The following BICD1 variants were observed in gnomAD, a reference collection of about 807,000 sequenced individuals.
BICD1 encodes the protein BICD cargo adaptor 1.
In BICD1, 35 loss-of-function variants were observed where a neutral mutation model predicts 92.5. That is an observed-to-expected ratio of 0.38 (90% CI 0.29 to 0.50). The LOEUF (loss-of-function observed/expected upper bound fraction) is 0.50. Ranked by LOEUF, BICD1 falls within the 20% of genes least tolerant of loss-of-function variation. The pLI is 0.93. For missense variants in BICD1, 950 were observed against 1,189.8 expected (o/e 0.80, Z 2.97); for synonymous variants, 429 against 465.1 (o/e 0.92, Z 1.00).
chr12:32,234,613 AG>A (rs1203884317), intron 2 of BICD1, among the ~76,000 whole-genome samples: 3 of 150,288 alleles, frequency 2.0e-5, no homozygotes, highest in African/African-American at 7.3e-5. Flanking sequence ...AAAAAAAGAA[AG>A]AAAGAAAGAA....
intron 8 of BICD1, among the ~76,000 whole-genome samples, chr12:32,340,994 C>T (rs1410956615): frequency 6.6e-6 from 1 of 152,172 alleles, no homozygotes; most frequent in Non-Finnish European, 1.5e-5. Context: ...TATCAATGTA[C>T]TAAAAGCCCA....
At chr12:32,280,854 A>G (rs929841280) in intron 2 of BICD1, among the ~76,000 whole-genome samples, 8 of 152,124 alleles carry the variant, frequency 5.3e-5, no homozygotes, top group Non-Finnish European at 1.2e-4. Context: ...AGTTCTCTAC[A>G]GTTGGAAGGG....
rs555837810 is a variant in BICD1, at chr12:32,279,897, G to T, written c.427-14097G>T. On this transcript the variant is annotated intron_variant, in intron 2 of 9. Coordinates refer to ENST00000652176, the MANE Select transcript of BICD1 (RefSeq NM_001714.4). ...GGTGGATCACCGGGGTCGGGAGTTC[G>T]AGACCAGCCTGACTAACATGGTGAA... Among the ~76,000 whole-genome samples, 357 of 152,248 alleles carry T rather than the reference G, an allele frequency of 2.3e-3. 2 individuals carry two copies. The highest frequency in any genetic ancestry group is 8.3e-3 in the African/African-American group (343 of 41,538).
At chr12:32,359,446 G>A (rs777614850) in intron 8 of BICD1, among the ~76,000 whole-genome samples, 1 of 152,022 alleles carries the variant, frequency 6.6e-6, no homozygotes, top group Non-Finnish European at 1.5e-5. Flanking sequence ...ATGGCAAGGG[G>A]GCTGTACATG....
intron 6 of BICD1, among the ~76,000 whole-genome samples, chr12:32,335,638 T>A (rs552480443): frequency 6.7e-6 from 1 of 149,216 alleles, no homozygotes; most frequent in Non-Finnish European, 1.5e-5. Flanking sequence ...TGAAGTGCAG[T>A]GGCGCTATCT....
chr12:32,302,871 C>T (rs142790617), intron 3 of BICD1, among the ~76,000 whole-genome samples: 14 of 128,988 alleles, frequency 1.1e-4, no homozygotes, highest in African/African-American at 3.7e-4. Context: ...TGTTGAAATT[C>T]CAATGACCAT....
chr12:32,297,422 G>T (rs1947905802), intron 3 of BICD1, among the ~76,000 whole-genome samples: 1 of 151,966 alleles, frequency 6.6e-6, no homozygotes, highest in African/African-American at 2.4e-5. Flanking sequence ...TGTTGCCCAG[G>T]CTGGACTCAA....
At chr12:32,339,859 A>T (rs1938292661) in intron 8 of BICD1, 6 of 965,800 alleles carry the variant, frequency 6.2e-6, no homozygotes, top group African/African-American at 1.8e-5. Context: ...TTATATGAAC[A>T]TCAGTATTTC....
intron 2 of BICD1, among the ~76,000 whole-genome samples, chr12:32,225,088 G>A (rs532441658): frequency 6.6e-6 from 1 of 152,200 alleles, no homozygotes; most frequent in Non-Finnish European, 1.5e-5. Flanking sequence ...CCCTTGGTCA[G>A]TGCTACTCTT....
At chr12:32,321,642 C>A (rs139141412) in intron 4 of BICD1, among the ~76,000 whole-genome samples, 9,403 of 152,094 alleles carry the variant, frequency 0.062, 414 homozygotes, top group Middle Eastern at 0.13. Flanking sequence ...AGTAACACTT[C>A]AAATGTATAG....
Position 32,165,210 on chromosome 12 carries a change from G to A in BICD1, c.214-51037G>A, listed in dbSNP as rs998238220. Among the ~76,000 whole-genome samples the A allele has an allele frequency of 1.4e-4, 22 of 152,284 alleles. 1 individual carries two copies. In the East Asian group the frequency reaches 4.3e-3, roughly 29 times the overall value. ...AAGAGATTCCAGGATTTACTGGACA[G>A]GTTTGTTTAAAAGTATTTGAGTTGG... On this transcript the variant is annotated intron_variant, in intron 1 of 9. Transcript: ENST00000652176.
chr12:32,354,080 G>A (rs757192422), intron 8 of BICD1: 1 of 152,160 alleles, frequency 6.6e-6, no homozygotes, highest in Non-Finnish European at 1.5e-5. Flanking sequence ...AAAGCTGACT[G>A]TACTGCAGGG....
At chr12:32,186,957 T>C (rs2650122) in intron 1 of BICD1, among the ~76,000 whole-genome samples, 93,042 of 152,060 alleles carry the variant, frequency 0.61, 28,531 homozygotes, top group Admixed American at 0.68. Context: ...ATCTGGGTTA[T>C]GTTGCCTGCT....
intron 1 of BICD1, among the ~76,000 whole-genome samples, chr12:32,215,178 G>A (rs529590540): frequency 2.8e-4 from 42 of 151,972 alleles, no homozygotes; most frequent in Admixed American, 7.2e-4. Flanking sequence ...GCAGTGAGCC[G>A]AGATCATACC....
chr12:32,196,526 A>G (rs1237371470), intron 1 of BICD1, among the ~76,000 whole-genome samples: 1 of 152,224 alleles, frequency 6.6e-6, no homozygotes, highest in Non-Finnish European at 1.5e-5. Context: ...AATAAGCCAA[A>G]CACAGCAAGA....
At chr12:32,213,553 G>T (rs1270523757) in intron 1 of BICD1, among the ~76,000 whole-genome samples, 4 of 152,082 alleles carry the variant, frequency 2.6e-5, no homozygotes, top group Non-Finnish European at 5.9e-5. Context: ...ACACCACCAC[G>T]CCTGGCTAAT....
At position 32,207,695 on chromosome 12, in the gene BICD1, TAAG is replaced by T. The variant is rs1456405927; in HGVS notation, c.214-8549_214-8547del. Among the ~76,000 whole-genome samples, 4 of 152,220 alleles carry T rather than the reference TAAG, an allele frequency of 2.6e-5. No homozygotes were observed. The East Asian group carries it at 7.7e-4, about 29-fold the overall frequency. ...TAAAAGCTAGAAAAACTGAAGAAGTTAAGAAAGAATTGAAAATTCCCATTAAGA... is the reference window on the plus strand; with the variant it reads ...TAAAAGCTAGAAAAACTGAAGAAGTTAAAGAATTGAAAATTCCCATTAAGA... On this transcript the variant is annotated intron_variant, in intron 1 of 9. Transcript: ENST00000652176.
At chr12:32,225,627 T>G (rs112367753) in intron 2 of BICD1, among the ~76,000 whole-genome samples, 39 of 34,600 alleles carry the variant, frequency 1.1e-3, no homozygotes, top group African/African-American at 1.4e-3. Flanking sequence ...TTCTGTTTTT[T>G]TTTTTTTTTT....
At chr12:32,306,466 G>C (rs535018564) in intron 4 of BICD1, among the ~76,000 whole-genome samples, 115 of 151,892 alleles carry the variant, frequency 7.6e-4, no homozygotes, top group East Asian at 1.6e-3. Flanking sequence ...GGATGGTCTC[G>C]ATCTCCTGAC....
Sources: allele counts gnomAD v4.1 joint callset (sites outside exome capture counted in the v4.1 genomes callset), GRCh38; gene constraint gnomAD v4.1.1; transcripts MANE v1.5; gene names NCBI Gene and HGNC (gene_info 2026-07-23, HGNC 2026-07-21).